CAMTA1: variants seen among roughly 807,000 people sequenced by gnomAD.
CAMTA1 encodes the protein calmodulin-binding transcription activator 1.
Under a neutral mutation model 170.9 loss-of-function variants are expected in CAMTA1, and 27 were observed. The ratio of observed to expected loss-of-function variants is 0.16; its 90% CI spans 0.12 to 0.22. CAMTA1 has a LOEUF of 0.22. CAMTA1 is among the 10% of genes least tolerant of loss of function. CAMTA1 has a pLI of 1.00. For missense variants in CAMTA1, 1,619 were observed against 2,217.2 expected, an observed-to-expected ratio of 0.73 and a Z score of 5.42; for synonymous variants, 833 against 891.5, an observed-to-expected ratio of 0.93 and a Z score of 1.17.
At chr1:7,097,262 C>T (rs909410369) in intron 4 of CAMTA1, among the ~76,000 whole-genome samples, 2 of 152,256 alleles carry the variant, frequency 1.3e-5, no homozygotes, top group Non-Finnish European at 2.9e-5. Flanking sequence ...TATCTCTTCA[C>T]AGCCTGTGTG....
chr1:7,043,662 C>T (rs989322867), intron 3 of CAMTA1, among the ~76,000 whole-genome samples: 5 of 152,100 alleles, frequency 3.3e-5, no homozygotes, highest in African/African-American at 4.8e-5. Flanking sequence ...TTCAGTAGAA[C>T]GTAAGAAACG....
intron 5 of CAMTA1, among the ~76,000 whole-genome samples, chr1:7,348,421 T>C (rs1006848187): frequency 6.6e-6 from 1 of 152,162 alleles, no homozygotes; most frequent in Non-Finnish European, 1.5e-5. Flanking sequence ...CAACCTTGGA[T>C]TGATGGTCCT....
At chr1:7,706,330 C>A (rs2096524999) in intron 11 of CAMTA1, among the ~76,000 whole-genome samples, 1 of 152,170 alleles carries the variant, frequency 6.6e-6, no homozygotes, top group Non-Finnish European at 1.5e-5. Flanking sequence ...ACCAGTGAGG[C>A]CAACCCCTGA....
In CAMTA1 at chr1:7,677,753, C is replaced by A; in HGVS notation, c.2914+20C>A. 6.2e-7 allele frequency: 1 copy of A among 1,606,752 alleles called. No individual in the cohort carries two copies. On this transcript the variant is annotated intron_variant, in intron 11 of 22. Coordinates refer to ENST00000303635, the MANE Select transcript of CAMTA1 (RefSeq NM_015215.4). ...TGGACGGTAAGAACAGTGCTTGGGT[C>A]GTCTTGCCAGGCACCAAGGGAGAGG...
intron 6 of CAMTA1, among the ~76,000 whole-genome samples, chr1:7,511,535 C>A (rs1212147284): frequency 6.6e-6 from 1 of 152,138 alleles, no homozygotes; most frequent in African/African-American, 2.4e-5. Flanking sequence ...CTGTGGCTGT[C>A]TCTCCATCAC....
At chr1:6,896,820 G>T (rs138882536) in intron 3 of CAMTA1, among the ~76,000 whole-genome samples, 1 of 152,154 alleles carries the variant, frequency 6.6e-6, no homozygotes, top group Non-Finnish European at 1.5e-5. Flanking sequence ...GAATATACTC[G>T]TTGGGGACTG....
chr1:7,619,565 G>A (rs944315927), intron 6 of CAMTA1, among the ~76,000 whole-genome samples: 2 of 152,170 alleles, frequency 1.3e-5, no homozygotes, highest in Non-Finnish European at 2.9e-5. Context: ...TCCCTTATGA[G>A]GAAGATGGGA....
intron 3 of CAMTA1, among the ~76,000 whole-genome samples, chr1:6,873,384 TG>T (rs1392805046): frequency 6.6e-6 from 1 of 152,202 alleles, no homozygotes; most frequent in East Asian, 1.9e-4. Flanking sequence ...ACTAAAGGAA[TG>T]GCATCTGGCT....
chr1:6,910,748 C>T (rs138562149), intron 3 of CAMTA1, among the ~76,000 whole-genome samples: 1 of 152,252 alleles, frequency 6.6e-6, no homozygotes, highest in Non-Finnish European at 1.5e-5. Context: ...ATTTCAAAGG[C>T]GGAGGTGTGC....
At position 7,664,603 on chromosome 1, in the gene CAMTA1, G is replaced by A; in HGVS notation, c.2056G>A (p.Ala686Thr). Residue 686 changes from alanine (A) to threonine (T), a missense_variant, in exon 9 of 23, where the codon GCA (alanine) becomes ACA (threonine). Coordinates refer to ENST00000303635, the MANE Select transcript of CAMTA1 (RefSeq NM_015215.4). ...CCAGGCCAACTTCCAGGCCATGACG[G>A]CAGAAGGGGAGGTCACCATGGAGAC... Reference protein sequence around the residue: ...QFQANFQAMTAEGEVTMETSQ... With the variant: ...QFQANFQAMTTEGEVTMETSQ... 6.2e-7 allele frequency: 1 copy of A among 1,611,900 alleles called. No homozygotes were observed. The highest frequency in any genetic ancestry group is 1.1e-5 in the South Asian group (1 of 91,070).
chr1:7,261,034 G>A (rs138758067), intron 5 of CAMTA1, among the ~76,000 whole-genome samples: 7 of 152,232 alleles, frequency 4.6e-5, no homozygotes, highest in African/African-American at 9.6e-5. Flanking sequence ...TCAAAGATTC[G>A]GTTTGCCTTT....
At chr1:7,346,674 G>T (rs2084246167) in intron 5 of CAMTA1, among the ~76,000 whole-genome samples, 1 of 152,304 alleles carries the variant, frequency 6.6e-6, no homozygotes, top group African/African-American at 2.4e-5. Context: ...AGCAGGGTAG[G>T]CTTAATCTAA....
intron 6 of CAMTA1, among the ~76,000 whole-genome samples, chr1:7,508,085 G>T (rs537711806): frequency 6.6e-6 from 1 of 152,242 alleles, no homozygotes; most frequent in African/African-American, 2.4e-5. Context: ...TCATCAAATC[G>T]GTTCCGTACC....
In CAMTA1 at chr1:7,057,044, A is replaced by C. The variant is rs529085164; in HGVS notation, c.235-34260A>C. 2.6e-5 allele frequency among the ~76,000 whole-genome samples: 4 copies of C among 152,144 alleles called. No individual in the cohort carries two copies. In the East Asian group the frequency reaches 7.8e-4, roughly 29 times the overall value. On this transcript the variant is annotated intron_variant, in intron 3 of 22. Transcript: ENST00000303635. ...ATAGGGCCAGGCACTTCCCACCTGC[A>C]TGGCTTAGGGCCAGGCCCTTCTCTC...
intron 5 of CAMTA1, among the ~76,000 whole-genome samples, chr1:7,340,341 A>G (rs2083705668): frequency 6.6e-6 from 1 of 151,742 alleles, no homozygotes; most frequent in Admixed American, 6.6e-5. Context: ...CCACTAGCCT[A>G]CCCCCGACTT....
chr1:7,659,853 G>T (rs996533909), intron 7 of CAMTA1, among the ~76,000 whole-genome samples: 5 of 152,220 alleles, frequency 3.3e-5, no homozygotes, highest in African/African-American at 9.6e-5. Flanking sequence ...CGTAGATCGT[G>T]TTTTCTCCTG....
chr1:7,716,802 CAGAG>C (rs940197643), intron 11 of CAMTA1, among the ~76,000 whole-genome samples: 2 of 152,050 alleles, frequency 1.3e-5, no homozygotes, highest in Admixed American at 6.5e-5. Context: ...ATTAGGATGT[CAGAG>C]AGAGATCTGC....
intron 5 of CAMTA1, among the ~76,000 whole-genome samples, chr1:7,314,984 CAAG>C (rs1206555153): frequency 6.6e-6 from 1 of 152,146 alleles, no homozygotes; most frequent in Admixed American, 6.6e-5. Context: ...GAGACATTGA[CAAG>C]AAGAATGATT....
At chr1:7,082,895 C>G (rs1171238660) in intron 3 of CAMTA1, among the ~76,000 whole-genome samples, 2 of 152,150 alleles carry the variant, frequency 1.3e-5, no homozygotes, top group Non-Finnish European at 2.9e-5. Context: ...TGTGATAGCC[C>G]TGGATCCTGC....
Sources: gnomAD v4.1 joint callset for allele counts (sites outside exome capture counted in the v4.1 genomes callset) on GRCh38, gnomAD v4.1.1 for gene constraint, MANE v1.5 for transcripts, NCBI Gene and HGNC (gene_info 2026-07-23, HGNC 2026-07-21) for gene names.